Variants in SRBD1 observed in about 807,000 individuals in gnomAD.
SRBD1 encodes the protein S1 RNA-binding domain-containing protein 1.
SRBD1 carries 88 observed loss-of-function variants against 115.3 expected under a neutral mutation model. That is an observed-to-expected ratio of 0.76 (90% CI 0.64 to 0.91). The LOEUF (loss-of-function observed/expected upper bound fraction) is 0.91. Ranked by LOEUF, SRBD1 falls within the 40% of genes least tolerant of loss-of-function variation. The probability of loss-of-function intolerance (pLI) is 0.00; values close to 1 mark genes in which losing one functional copy is unlikely to be tolerated. For synonymous variants in SRBD1, 509 were observed against 407.7 expected, an observed-to-expected ratio of 1.25 and a Z score of -2.99; for missense variants, 1,385 against 1,177.4, an observed-to-expected ratio of 1.18 and a Z score of -2.58.
At chr2:45,391,175 C>T (rs1386815149) in intron 20 of SRBD1, among the ~76,000 whole-genome samples, 1 of 152,160 alleles carries the variant, frequency 6.6e-6, no homozygotes, top group East Asian at 1.9e-4. Flanking sequence ...TCAGGAACTA[C>T]TTAACATATT....
chr2:45,435,569 A>AC (rs1558392484), intron 16 of SRBD1, among the ~76,000 whole-genome samples: 1 of 73,258 alleles, frequency 1.4e-5, no homozygotes, highest in African/African-American at 4.5e-5. Flanking sequence ...GGAAAAAAAA[A>AC]AAACAAAAAA....
intron 12 of SRBD1, among the ~76,000 whole-genome samples, chr2:45,549,405 T>G (rs1036115439): frequency 1.3e-5 from 2 of 151,078 alleles, no homozygotes; most frequent in African/African-American, 4.9e-5. Context: ...AACTAACGTA[T>G]GTAAAACTAA....
At chr2:45,547,669 G>C in intron 12 of SRBD1, 57 bp from the exon 13 acceptor site, 1 of 1,434,172 alleles carries the variant, frequency 7.0e-7, no homozygotes, top group Non-Finnish European at 9.6e-7. Context: ...TGAAACACAT[G>C]AATGATTTTG....
intron 15 of SRBD1, among the ~76,000 whole-genome samples, chr2:45,486,243 T>C (rs997339574): frequency 1.3e-5 from 2 of 152,194 alleles, no homozygotes; most frequent in Non-Finnish European, 2.9e-5. Context: ...TTGTTACCTC[T>C]CAGAAAATAT....
At chr2:45,450,626 A>G (rs1243122333) in intron 16 of SRBD1, among the ~76,000 whole-genome samples, 1 of 152,194 alleles carries the variant, frequency 6.6e-6, no homozygotes, top group Non-Finnish European at 1.5e-5. Flanking sequence ...GAATGACTAT[A>G]TACGTCAATT....
At chr2:45,605,305 A>G in intron 2 of SRBD1, 57 bp downstream of exon 2, 2 of 1,524,678 alleles carry the variant, frequency 1.3e-6, no homozygotes, top group Non-Finnish European at 1.8e-6. Flanking sequence ...AGAATGCATT[A>G]CTCCTTATTA....
At chr2:45,431,969 A>G (rs748482216) in intron 16 of SRBD1, among the ~76,000 whole-genome samples, 2 of 151,802 alleles carry the variant, frequency 1.3e-5, no homozygotes, top group African/African-American at 2.4e-5. Context: ...TTCTTCCCCA[A>G]TTTTTTGCTT....
chr2:45,455,754 CAAAAAATAAAAAATA>C (rs1240385654), intron 16 of SRBD1, among the ~76,000 whole-genome samples: 1 of 151,218 alleles, frequency 6.6e-6, no homozygotes, highest in Non-Finnish European at 1.5e-5. Flanking sequence ...AAATAGTAAC[CAAAAAATAAAAAATA>C]AAAAAATAAC....
At position 45,596,950 on chromosome 2, in the gene SRBD1, A is replaced by C. The variant is rs1040093408; in HGVS notation, c.648+2499T>G. ...CCCTAACACACACACACACACACAC[A>C]CCCACAACCCTAACACACACACCCA... On this transcript the variant is annotated intron_variant, in intron 4 of 20. Coordinates refer to ENST00000263736, the MANE Select transcript of SRBD1 (RefSeq NM_018079.5). Among the ~76,000 whole-genome samples the C allele has an allele frequency of 3.4e-4, 49 of 145,742 alleles. 1 individual carries two copies. The South Asian group carries it at 7.2e-3, about 22-fold the overall frequency.
intron 4 of SRBD1, among the ~76,000 whole-genome samples, chr2:45,598,228 G>C (rs1461549330): frequency 6.6e-6 from 1 of 152,120 alleles, no homozygotes. Context: ...AGATACCTTG[G>C]ACTATTCATT....
intron 14 of SRBD1, among the ~76,000 whole-genome samples, chr2:45,497,757 C>A (rs1167643165): frequency 6.6e-6 from 1 of 151,936 alleles, no homozygotes; most frequent in Non-Finnish European, 1.5e-5. Flanking sequence ...AAACTGCCAG[C>A]CAGGCGTGGT....
chr2:45,426,389 G>C (rs1197465310), intron 16 of SRBD1, among the ~76,000 whole-genome samples: 1 of 152,234 alleles, frequency 6.6e-6, no homozygotes, highest in Non-Finnish European at 1.5e-5. Flanking sequence ...CCCTGGGACA[G>C]AGCACCTGGC....
At chr2:45,574,995 A>G (rs1673134248) in intron 7 of SRBD1, among the ~76,000 whole-genome samples, 1 of 152,180 alleles carries the variant, frequency 6.6e-6, no homozygotes, top group Non-Finnish European at 1.5e-5. Flanking sequence ...TGGTTCTACC[A>G]TTTGCCAGTT....
At chr2:45,497,025 G>T (rs781209655) in intron 14 of SRBD1, among the ~76,000 whole-genome samples, 1 of 152,104 alleles carries the variant, frequency 6.6e-6, no homozygotes, top group South Asian at 2.1e-4. Context: ...CAGTTCAGCC[G>T]GCTGCTTCTT....
At chr2:45,591,777 C>G (rs1673733416) in intron 4 of SRBD1, among the ~76,000 whole-genome samples, 1 of 152,150 alleles carries the variant, frequency 6.6e-6, no homozygotes, top group Non-Finnish European at 1.5e-5. Context: ...AAATTGGCAG[C>G]CAGCCCCAGG....
intron 3 of SRBD1, among the ~76,000 whole-genome samples, chr2:45,600,604 A>T (rs1357648679): frequency 1.3e-5 from 2 of 152,176 alleles, no homozygotes; most frequent in East Asian, 3.9e-4. Flanking sequence ...CTTTAACAAG[A>T]GTCCGCACAG....
At chr2:45,582,746 A>G (rs1020497422) in intron 5 of SRBD1, among the ~76,000 whole-genome samples, 1 of 152,098 alleles carries the variant, frequency 6.6e-6, no homozygotes, top group East Asian at 1.9e-4. Context: ...CTGGCATATG[A>G]TATTTCAGGC....
rs1669185178 is a variant in SRBD1 at position 45,457,322 on chromosome 2, C to G, written c.2049+19671G>C. Among the ~76,000 whole-genome samples the G allele has an allele frequency of 5.9e-5, 9 of 151,892 alleles. No homozygotes were observed. The South Asian group carries it at 1.9e-3, about 32-fold the overall frequency. On this transcript the variant is annotated intron_variant, in intron 16 of 20. Transcript: ENST00000263736. The stretch of plus-strand genomic sequence containing the variant: ...AAGTTCTTAAAATTACAACTTTTTT[C>G]CCTTGACACCCAACTACTAAAGTGC...
At chr2:45,433,370 A>T (rs1449034239) in intron 16 of SRBD1, among the ~76,000 whole-genome samples, 1 of 152,184 alleles carries the variant, frequency 6.6e-6, no homozygotes, top group Non-Finnish European at 1.5e-5. Flanking sequence ...TCAAAACGTC[A>T]TGCTGTATGT....
Sources: allele counts gnomAD v4.1 joint callset (sites outside exome capture counted in the v4.1 genomes callset), GRCh38; gene constraint gnomAD v4.1.1; transcripts MANE v1.5; gene names NCBI Gene and HGNC (gene_info 2026-07-23, HGNC 2026-07-21).